Variants in VEZT observed in about 807,000 individuals in gnomAD.
VEZT encodes vezatin, adherens junctions transmembrane protein.
VEZT carries 39 observed loss-of-function variants against 79.9 expected under a neutral mutation model. The ratio of observed to expected loss-of-function variants is 0.49; its 90% confidence interval spans 0.38 to 0.64. The LOEUF (loss-of-function observed/expected upper bound fraction) is 0.64, where lower values mean the gene tolerates loss of function less well. VEZT is among the 30% of genes least tolerant of loss of function. The probability of loss-of-function intolerance (pLI) is 0.00; values close to 1 mark genes in which losing one functional copy is unlikely to be tolerated. For missense variants in VEZT, 837 were observed against 893.1 expected (o/e 0.94, Z 0.80); for synonymous variants, 325 against 327.6 (o/e 0.99, Z 0.09).
intron 1 of VEZT, among the ~76,000 whole-genome samples, chr12:95,246,374 T>C (rs2061722788): frequency 6.6e-6 from 1 of 152,120 alleles, no homozygotes; most frequent in Non-Finnish European, 1.5e-5. Flanking sequence ...CCACCCGCCT[T>C]GGCCTCCCAA....
intron 1 of VEZT, among the ~76,000 whole-genome samples, chr12:95,241,058 C>T (rs746306233): frequency 1.3e-5 from 2 of 151,944 alleles, no homozygotes; most frequent in Non-Finnish European, 2.9e-5. Flanking sequence ...TTTTTTAAGA[C>T]GGAGTCTTGC....
In VEZT at chr12:95,295,949, C is replaced by A. The variant is rs531228935; in HGVS notation, c.1624-102C>A. The A allele has an allele frequency of 3.6e-5, 32 of 890,230 alleles. No individual in the cohort carries two copies. In the Middle Eastern group the frequency reaches 1.1e-3, roughly 30 times the overall value. The allele number at this position is 890,230 out of a possible 1,614,324, so 55.1% of individuals were successfully genotyped here. On this transcript the variant is annotated intron_variant, in intron 10 of 11. Transcript: ENST00000436874. ...TTAATGACCTGTGCCAAATGCAAGTCCTTTTTTTTTAATCTCAGAGATAAG... is the reference window on the plus strand; with the variant it reads ...TTAATGACCTGTGCCAAATGCAAGTACTTTTTTTTTAATCTCAGAGATAAG...
intron 6 of VEZT, among the ~76,000 whole-genome samples, chr12:95,272,186 A>G (rs2066747264): frequency 6.6e-6 from 1 of 152,092 alleles, no homozygotes; most frequent in African/African-American, 2.4e-5. Context: ...CTAAAATAAA[A>G]TAATAAATGG....
At chr12:95,278,491 C>T (rs980171001) in intron 7 of VEZT, among the ~76,000 whole-genome samples, 1 of 152,090 alleles carries the variant, frequency 6.6e-6, no homozygotes, top group African/African-American at 2.4e-5. Context: ...TGTTGAAAAC[C>T]CCTGTAATGT....
chr12:95,300,320 T>C lies in VEZT; in HGVS notation c.1987T>C (p.Tyr663His), dbSNP rs1319830061. ...AGACAATGAAATAAGTAGGACTGAG[T>C]ATTTATGTGAAAACTCTCTAGAAGG... Reference protein sequence around the residue: ...TTDNEISRTEYLCENSLEGKN... With the variant: ...TTDNEISRTEHLCENSLEGKN... Residue 663 changes from tyrosine to histidine, a missense_variant, in exon 12 of 12, where the codon TAT (tyrosine) becomes CAT (histidine). Transcript: ENST00000436874. 1 of 1,610,314 alleles carries C rather than the reference T, an allele frequency of 6.2e-7. No homozygotes were observed.
chr12:95,250,854 AGAT>A (rs1398155333), intron 1 of VEZT, among the ~76,000 whole-genome samples: 9 of 151,672 alleles, frequency 5.9e-5, no homozygotes, highest in Admixed American at 3.9e-4. Context: ...GGACTGTCCC[AGAT>A]GCTTTATATT....
chr12:95,235,473 T>C (rs1373020074), intron 1 of VEZT, among the ~76,000 whole-genome samples: 1 of 127,392 alleles, frequency 7.8e-6, no homozygotes, highest in Admixed American at 7.5e-5. Context: ...GGCTCCTCAC[T>C]TCCCAGTAGG....
Position 95,252,047 on chromosome 12 carries a change from G to A in VEZT, c.144G>A (p.Lys48=). The change falls in exon 2 of 12, where the codon AAG becomes AAA. Residue 48 remains lysine, a synonymous_variant. Coordinates refer to ENST00000436874, the MANE Select transcript of VEZT (RefSeq NM_017599.4). ...TEKCTTEGQQ[K]PPTRVLPKQG... is the part of the protein sequence containing the mutation. Reference sequence around the variant, plus strand: ...AATGCACAACAGAGGGACAACAAAAGCCTCCTACAAGAGTCCTACCAAAAG... The same window carrying A: ...AATGCACAACAGAGGGACAACAAAAACCTCCTACAAGAGTCCTACCAAAAG... 1 of 1,610,804 alleles carries A rather than the reference G, an allele frequency of 6.2e-7. No homozygotes were observed. The highest frequency in any genetic ancestry group is 8.5e-7 in the Non-Finnish European group (1 of 1,178,748).
intron 7 of VEZT, among the ~76,000 whole-genome samples, chr12:95,279,001 C>T (rs1236889165): frequency 1.3e-5 from 2 of 152,152 alleles, no homozygotes; most frequent in East Asian, 1.9e-4. Context: ...ACCCAGGAGG[C>T]GGAAGTTGTG....
At chr12:95,261,718 G>A (rs1192848360) in intron 3 of VEZT, among the ~76,000 whole-genome samples, 1 of 152,136 alleles carries the variant, frequency 6.6e-6, no homozygotes, top group Non-Finnish European at 1.5e-5. Context: ...GCCTCTATTT[G>A]TTTAAATTTA....
In VEZT at chr12:95,300,538, T is replaced by C. The variant is rs2075089400; in HGVS notation, c.2205T>C (p.Phe735=). 1 of 1,613,942 alleles carries C rather than the reference T, an allele frequency of 6.2e-7. No homozygotes were observed. Among genetic ancestry groups the C allele is most frequent in the Non-Finnish European group, 8.5e-7 (1 of 1,179,876 alleles). ...RLARLQLSPD[F]TFTAGLAAEV... is the part of the protein sequence containing the mutation. ...CACGGCTACAGCTGTCACCAGATTT[T>C]ACCTTCACTGCTGGCCTTGCTGCAG... The change falls in exon 12 of 12, where the codon TTT becomes TTC. Residue 735 remains phenylalanine (F), a synonymous_variant. Transcript: ENST00000436874.
chr12:95,278,801 G>A (rs2068344644), intron 7 of VEZT, among the ~76,000 whole-genome samples: 1 of 152,208 alleles, frequency 6.6e-6, no homozygotes, highest in Non-Finnish European at 1.5e-5. Context: ...TGGCACCGTG[G>A]CTCACGCCTG....
chr12:95,289,085 AAAAAAAAT>A (rs1174210013), intron 9 of VEZT, among the ~76,000 whole-genome samples: 1,906 of 87,202 alleles, frequency 0.022, 65 homozygotes, highest in African/African-American at 0.083. Flanking sequence ...CCGTCTCAAA[AAAAAAAAT>A]AAATAAATAA....
chr12:95,252,648 CT>C (rs1365551908), intron 2 of VEZT, among the ~76,000 whole-genome samples: 1 of 152,122 alleles, frequency 6.6e-6, no homozygotes, highest in Non-Finnish European at 1.5e-5. Flanking sequence ...CATTTATGTC[CT>C]GCTAGCCATG....
intron 1 of VEZT, among the ~76,000 whole-genome samples, chr12:95,223,715 T>C (rs1319124396): frequency 2.6e-5 from 4 of 152,214 alleles, no homozygotes; most frequent in African/African-American, 4.8e-5. Flanking sequence ...CCTACCAAAG[T>C]GCTGGGATTA....
intron 2 of VEZT, 128 bp downstream of exon 2, chr12:95,252,199 C>T (rs2062718899): frequency 5.0e-6 from 5 of 996,500 alleles, no homozygotes; most frequent in Non-Finnish European, 6.8e-6. Context: ...ATCAATAGTA[C>T]AAAACTTTCT....
At chr12:95,220,493 G>T (rs1429476205) in intron 1 of VEZT, among the ~76,000 whole-genome samples, 2 of 152,022 alleles carry the variant, frequency 1.3e-5, no homozygotes, top group African/African-American at 2.4e-5. Context: ...AACATCACCA[G>T]CACACCAGAA....
chr12:95,278,577 T>C (rs554146144), intron 7 of VEZT, among the ~76,000 whole-genome samples: 6 of 152,234 alleles, frequency 3.9e-5, no homozygotes, highest in Non-Finnish European at 8.8e-5. Flanking sequence ...AAATAGATTT[T>C]GTAAGTTAAA....
intron 1 of VEZT, among the ~76,000 whole-genome samples, chr12:95,239,945 CG>C (rs2060670214): frequency 2.7e-5 from 2 of 73,252 alleles, no homozygotes; most frequent in African/African-American, 1.3e-4. Context: ...GAGGGAGACT[CG>C]AAAGAGAGAG....
Sources: allele counts gnomAD v4.1 joint callset (sites outside exome capture counted in the v4.1 genomes callset), GRCh38; gene constraint gnomAD v4.1.1; transcripts MANE v1.5; gene names NCBI Gene and HGNC (gene_info 2026-07-23, HGNC 2026-07-21).